The following FGGY variants were observed in gnomAD, a reference collection of about 807,000 sequenced individuals.
The protein encoded by FGGY is FGGY carbohydrate kinase domain-containing protein.
FGGY carries 72 observed loss-of-function variants against 71.3 expected under a neutral mutation model. The observed-to-expected ratio is 1.01, with a 90% CI of 0.84 to 1.23. The LOEUF (loss-of-function observed/expected upper bound fraction) is 1.23, where lower values mean the gene tolerates loss of function less well. FGGY is among the 50% of genes most tolerant of loss of function. The pLI is 0.00. For missense variants in FGGY, 668 were observed against 682.3 expected (o/e 0.98, Z 0.23); for synonymous variants, 251 against 250.3 (o/e 1.00, Z -0.02).
intron 5 of FGGY, among the ~76,000 whole-genome samples, chr1:59,436,719 G>A (rs1335979894): frequency 6.6e-6 from 1 of 152,190 alleles, no homozygotes; most frequent in East Asian, 1.9e-4. Context: ...ACTTCTCTTT[G>A]TAGATCTCAG....
chr1:59,466,363 A>T (rs956782094), intron 6 of FGGY, among the ~76,000 whole-genome samples: 58 of 152,162 alleles, frequency 3.8e-4, no homozygotes, highest in Non-Finnish European at 1.2e-4. Flanking sequence ...TTCAAGATGG[A>T]TTAAAGACTT....
intron 6 of FGGY, among the ~76,000 whole-genome samples, chr1:59,459,854 C>T (rs542585078): frequency 3.3e-5 from 5 of 152,242 alleles, no homozygotes; most frequent in African/African-American, 1.2e-4. Flanking sequence ...TATGAAAAGT[C>T]GTGTGTGCAA....
intron 11 of FGGY, among the ~76,000 whole-genome samples, chr1:59,639,788 G>A (rs1437167487): frequency 6.6e-6 from 1 of 152,166 alleles, no homozygotes. Context: ...AGATAAAACT[G>A]ACCTAGGAGC....
intron 5 of FGGY, among the ~76,000 whole-genome samples, chr1:59,436,071 C>T (rs1393612911): frequency 6.6e-6 from 1 of 152,126 alleles, no homozygotes; most frequent in East Asian, 1.9e-4. Context: ...CATTGCCTCC[C>T]TACCGCGCTC....
intron 5 of FGGY, among the ~76,000 whole-genome samples, chr1:59,393,013 C>G (rs2060882710): frequency 6.6e-6 from 1 of 152,198 alleles, no homozygotes; most frequent in South Asian, 2.1e-4. Context: ...TCTAAACAAT[C>G]TTCAGCTCAT....
At chr1:59,410,208 C>G (rs1215807909) in intron 5 of FGGY, among the ~76,000 whole-genome samples, 4 of 152,180 alleles carry the variant, frequency 2.6e-5, no homozygotes, top group Non-Finnish European at 1.5e-5. Flanking sequence ...GGCTTGCTTT[C>G]TTAGTTTCAG....
intron 7 of FGGY, among the ~76,000 whole-genome samples, chr1:59,548,295 A>G (rs2095557051): frequency 1.3e-5 from 2 of 152,228 alleles, no homozygotes; most frequent in South Asian, 4.1e-4. Context: ...ACCAAATCAC[A>G]TTCAGGAATA....
chr1:59,691,281 T>C (rs976273915), intron 14 of FGGY, among the ~76,000 whole-genome samples: 2 of 152,222 alleles, frequency 1.3e-5, no homozygotes, highest in Non-Finnish European at 1.5e-5. Flanking sequence ...CAAAATAGCC[T>C]AGCCTACCTT....
intron 14 of FGGY, among the ~76,000 whole-genome samples, chr1:59,713,801 C>T (rs2097820483): frequency 6.6e-6 from 1 of 152,166 alleles, no homozygotes. Context: ...GAACCTCTTC[C>T]CCTTTCACTA....
At chr1:59,725,039 C>T (rs1475826615) in intron 14 of FGGY, among the ~76,000 whole-genome samples, 2 of 152,140 alleles carry the variant, frequency 1.3e-5, no homozygotes, top group Admixed American at 6.5e-5. Flanking sequence ...TCACCTAACC[C>T]AAGGTCACCT....
At chr1:59,566,791 A>G (rs1571368244) in intron 8 of FGGY, among the ~76,000 whole-genome samples, 1 of 147,370 alleles carries the variant, frequency 6.8e-6, no homozygotes, top group Non-Finnish European at 1.5e-5. Flanking sequence ...TTGTTGAAAG[A>G]TAATTTACAT....
chr1:59,702,535 C>A (rs1043135168), intron 14 of FGGY, among the ~76,000 whole-genome samples: 1 of 151,970 alleles, frequency 6.6e-6, no homozygotes, highest in Non-Finnish European at 1.5e-5. Context: ...ATGGGGTAAA[C>A]AAATGAGTGA....
In FGGY at chr1:59,491,451, T is replaced by C. The variant is rs375043300; in HGVS notation, c.671-20860T>C. 8.6e-5 allele frequency among the ~76,000 whole-genome samples: 13 copies of C among 152,004 alleles called. No homozygotes were observed. In the East Asian group the frequency reaches 1.2e-3, roughly 14 times the overall value. ...TACTACCTTGGTTACATTATTGTAT[T>C]TAATTATTTTTGTAGCTATTGTAAA... is the stretch of plus-strand genomic sequence containing the variant. On this transcript the variant is annotated intron_variant, in intron 6 of 15. Transcript: ENST00000303721.
chr1:59,493,237 C>T (rs955016027), intron 6 of FGGY, among the ~76,000 whole-genome samples: 2 of 151,966 alleles, frequency 1.3e-5, no homozygotes, highest in Non-Finnish European at 1.5e-5. Flanking sequence ...GTGGTAGTTC[C>T]TCAAAAAGTT....
intron 10 of FGGY, among the ~76,000 whole-genome samples, chr1:59,632,753 G>T (rs1441499746): frequency 6.6e-6 from 1 of 152,100 alleles, no homozygotes; most frequent in Non-Finnish European, 1.5e-5. Context: ...TTTCCATTCT[G>T]CTCTTTTGTA....
At chr1:59,589,063 C>T (rs1279202511) in intron 8 of FGGY, among the ~76,000 whole-genome samples, 2 of 152,136 alleles carry the variant, frequency 1.3e-5, no homozygotes, top group Non-Finnish European at 2.9e-5. Context: ...TGCAGAGACA[C>T]ACATAGGCTC....
At chr1:59,574,490 G>A (rs1030066268) in intron 8 of FGGY, among the ~76,000 whole-genome samples, 8 of 151,762 alleles carry the variant, frequency 5.3e-5, no homozygotes, top group African/African-American at 1.7e-4. Context: ...ACATTCATAG[G>A]TTCCAGGGAT....
At chr1:59,531,878 A>G (rs2095154623) in intron 7 of FGGY, among the ~76,000 whole-genome samples, 1 of 152,218 alleles carries the variant, frequency 6.6e-6, no homozygotes, top group Admixed American at 6.5e-5. Context: ...CAGATCATCT[A>G]TCCCTACTTG....
intron 1 of FGGY, among the ~76,000 whole-genome samples, chr1:59,313,814 G>A (rs551662090): frequency 1.1e-4 from 17 of 152,154 alleles, no homozygotes; most frequent in African/African-American, 1.7e-4. Flanking sequence ...GGGAAAGAGC[G>A]GGAAGGGAGT....
Sources: allele counts gnomAD v4.1 joint callset (sites outside exome capture counted in the v4.1 genomes callset), GRCh38; gene constraint gnomAD v4.1.1; transcripts MANE v1.5; gene names NCBI Gene and HGNC (gene_info 2026-07-23, HGNC 2026-07-21).